SMOC2: variants seen among roughly 807,000 people sequenced by gnomAD.
SMOC2 encodes SPARC-related modular calcium-binding protein 2.
SMOC2 carries 39 observed loss-of-function variants against 61.4 expected under a neutral mutation model. That is an observed-to-expected ratio of 0.64 (90% CI 0.49 to 0.83). SMOC2 has a LOEUF of 0.83. SMOC2 is among the 40% of genes least tolerant of loss of function. The pLI, the probability that SMOC2 is intolerant of heterozygous loss-of-function variation, is 0.00. For missense variants in SMOC2, 556 were observed against 592.9 expected (o/e 0.94, Z 0.65); for synonymous variants, 247 against 239.9 (o/e 1.03, Z -0.27).
At chr6:168,608,051 C>T in intron 8 of SMOC2, 106 bp from the exon 9 acceptor site, 1 of 967,786 alleles carries the variant, frequency 1.0e-6, no homozygotes, top group Non-Finnish European at 1.6e-6. Flanking sequence ...AGCCACAGGT[C>T]ACGGTGTATG....
At chr6:168,541,584 A>G (rs563175564) in intron 4 of SMOC2, among the ~76,000 whole-genome samples, 2 of 152,132 alleles carry the variant, frequency 1.3e-5, no homozygotes, top group African/African-American at 2.4e-5. Context: ...CCAGGATCTT[A>G]CAGGAAGGCA....
intron 1 of SMOC2, among the ~76,000 whole-genome samples, chr6:168,465,836 G>A (rs1781819373): frequency 7.1e-6 from 1 of 141,096 alleles, no homozygotes; most frequent in African/African-American, 2.7e-5. Context: ...CTGGAACTGG[G>A]GGGCTCTGGA....
intron 4 of SMOC2, 120 bp downstream of exon 4, chr6:168,527,847 T>C: frequency 1.4e-6 from 1 of 707,472 alleles, no homozygotes; most frequent in Non-Finnish European, 2.5e-6. Context: ...GCCGGCATTG[T>C]GAGCCACAGT....
chr6:168,485,096 C>T (rs553547839), intron 1 of SMOC2, among the ~76,000 whole-genome samples: 1 of 152,082 alleles, frequency 6.6e-6, no homozygotes, highest in African/African-American at 2.4e-5. Context: ...TAAGATGGTA[C>T]ATTTTATGTT....
chr6:168,524,037 G>C (rs1358101849), intron 2 of SMOC2, among the ~76,000 whole-genome samples: 1 of 152,038 alleles, frequency 6.6e-6, no homozygotes, highest in African/African-American at 2.4e-5. Flanking sequence ...TTCAGTCTAA[G>C]GTATGTCTGT....
Position 168,441,292 on chromosome 6 carries a change from C to A in SMOC2, c.-79C>A. On this transcript the variant is annotated 5_prime_UTR_variant, in exon 1 of 13. Coordinates refer to ENST00000356284, the MANE Select transcript of SMOC2 (RefSeq NM_001166412.2). ...CCCTCCACGCGCCCGCCCAGCCGCG[C>A]TCGCCCACTGGGCTCTCCCGGCTGC... The A allele has an allele frequency of 1.4e-6, 2 of 1,432,692 alleles. No individual in the cohort carries two copies. Among genetic ancestry groups the A allele is most frequent in the Non-Finnish European group, 1.8e-6 (2 of 1,103,676 alleles). 88.7% of individuals were successfully genotyped at this position (1,432,692 alleles called of 1,614,324 possible). A position where few individuals can be genotyped will look rare whatever the true frequency, so the allele number is the denominator to read the frequency against.
intron 7 of SMOC2, among the ~76,000 whole-genome samples, chr6:168,565,038 A>T (rs1174472271): frequency 6.6e-6 from 1 of 152,188 alleles, no homozygotes; most frequent in East Asian, 1.9e-4. Flanking sequence ...AAAAGGTATA[A>T]ATTTTGCAGG....
intron 9 of SMOC2, among the ~76,000 whole-genome samples, chr6:168,641,543 T>C (rs1786890453): frequency 2.0e-5 from 3 of 152,246 alleles, no homozygotes; most frequent in African/African-American, 4.8e-5. Flanking sequence ...TTAAGATACA[T>C]ATTCAGAGTT....
chr6:168,494,170 C>T (rs377594634), intron 1 of SMOC2, among the ~76,000 whole-genome samples: 13 of 152,306 alleles, frequency 8.5e-5, no homozygotes, highest in African/African-American at 2.9e-4. Flanking sequence ...AGTTTTCCTT[C>T]TACACGCTCT....
chr6:168,455,013 T>C (rs1383333284), intron 1 of SMOC2, among the ~76,000 whole-genome samples: 4 of 151,884 alleles, frequency 2.6e-5, no homozygotes, highest in Admixed American at 2.0e-4. Flanking sequence ...GGGTCTCAGA[T>C]GGGAGCTGTG....
intron 1 of SMOC2, among the ~76,000 whole-genome samples, chr6:168,470,769 A>G (rs1194771182): frequency 6.6e-6 from 1 of 152,186 alleles, no homozygotes; most frequent in Non-Finnish European, 1.5e-5. Flanking sequence ...AACAAGGATA[A>G]TTATGTTTTT....
intron 1 of SMOC2, among the ~76,000 whole-genome samples, chr6:168,493,012 TG>T (rs2115034340): frequency 6.6e-6 from 1 of 152,252 alleles, no homozygotes; most frequent in East Asian, 1.9e-4. Context: ...AAGACTAAAT[TG>T]TTGGAATGTT....
chr6:168,538,287 TGTGGGGGAGTGGGGTGA>T (rs1783787211), intron 4 of SMOC2, among the ~76,000 whole-genome samples: 1 of 89,654 alleles, frequency 1.1e-5, no homozygotes, highest in Admixed American at 1.3e-4. Flanking sequence ...CCTGCTGGAA[TGTGGGGGAGTGGGGTGA>T]CCCCTGCTGG....
chr6:168,654,157 A>G (rs1787276372), intron 11 of SMOC2, among the ~76,000 whole-genome samples: 1 of 78,168 alleles, frequency 1.3e-5, no homozygotes, highest in African/African-American at 7.1e-5. Flanking sequence ...CCTGAGCTCC[A>G]ACCAGATGTT....
At chr6:168,473,414 G>A (rs1404397723) in intron 1 of SMOC2, among the ~76,000 whole-genome samples, 1 of 152,020 alleles carries the variant, frequency 6.6e-6, no homozygotes, top group Admixed American at 6.5e-5. Flanking sequence ...TGCCACCTGT[G>A]TGCCCTGTGG....
At chr6:168,480,532 A>G (rs927802539) in intron 1 of SMOC2, among the ~76,000 whole-genome samples, 5 of 152,168 alleles carry the variant, frequency 3.3e-5, no homozygotes, top group Non-Finnish European at 7.3e-5. Flanking sequence ...AGAAAGGATC[A>G]GCAAACTTAA....
At chr6:168,490,284 G>A (rs990871527) in intron 1 of SMOC2, among the ~76,000 whole-genome samples, 1 of 151,548 alleles carries the variant, frequency 6.6e-6, no homozygotes, top group Non-Finnish European at 1.5e-5. Context: ...ATATCAAATC[G>A]TCTGGGTCCC....
chr6:168,648,332 G>T (rs1787099766), intron 9 of SMOC2, among the ~76,000 whole-genome samples: 1 of 152,256 alleles, frequency 6.6e-6, no homozygotes, highest in Non-Finnish European at 1.5e-5. Context: ...TCGTCGCCCT[G>T]GACAAGTTCT....
intron 9 of SMOC2, among the ~76,000 whole-genome samples, chr6:168,639,713 G>A (rs1786842839): frequency 6.6e-6 from 1 of 151,592 alleles, no homozygotes; most frequent in Non-Finnish European, 1.5e-5. Flanking sequence ...ATCATCAGGT[G>A]GACCAGAGTC....
Sources: gnomAD v4.1 joint callset for allele counts (sites outside exome capture counted in the v4.1 genomes callset) on GRCh38, gnomAD v4.1.1 for gene constraint, MANE v1.5 for transcripts, NCBI Gene and HGNC (gene_info 2026-07-23, HGNC 2026-07-21) for gene names.